Variants in WNK1 observed in about 807,000 individuals in gnomAD.
The protein encoded by WNK1 is WNK lysine deficient protein kinase 1.
Under a neutral mutation model 222.8 loss-of-function variants are expected in WNK1, and 38 were observed. The observed-to-expected ratio is 0.17, with a 90% CI of 0.13 to 0.22. WNK1 has a LOEUF of 0.22. Among genes scored for constraint, WNK1 ranks in the 10% least tolerant of loss-of-function variants. The probability of loss-of-function intolerance (pLI) is 1.00; values close to 1 mark genes in which losing one functional copy is unlikely to be tolerated. For missense variants in WNK1, 2,348 were observed against 2,918.4 expected (o/e 0.80, Z 4.50); for synonymous variants, 1,090 against 1,092.9 (o/e 1.00, Z 0.05).
In WNK1 at chr12:896,582, C is replaced by T. The variant is rs780191582; in HGVS notation, c.6095C>T (p.Ser2032Leu). The T allele has an allele frequency of 4.4e-5, 71 of 1,611,602 alleles. No homozygotes were observed. The South Asian group carries it at 6.2e-4, about 14-fold the overall frequency. Residue 2032 changes from serine to leucine, a missense_variant, in exon 24 of 28, where the codon TCG becomes TTG. Transcript: ENST00000315939. ...GATGATGGTTCCGGTAGTCCACACT[C>T]GCCCCATCAGCTGAGCTCAAAGAGC... ...DVDDGSGSPH[S>L]PHQLSSKSLP...
rs773797682 is a variant in WNK1, at chr12:889,145, G to C, written c.5370G>C (p.Gln1790His). Residue 1790 changes from glutamine (Q) to histidine (H), a missense_variant, in exon 21 of 28, where the codon CAG becomes CAC. This residue lies in a region of WNK1 where 1,144 missense variants were observed against 1,273.6 expected (regional missense o/e 0.90). Transcript: ENST00000315939. ...PFPGPSLTQS[Q>H]QPLEDLDAQL... ...CTGTGATTGTTTTCATTCAGTCCCA[G>C]CAACCTCTAGAGGATCTTGATGCTC... 1 of 1,614,020 alleles carries C rather than the reference G, an allele frequency of 6.2e-7. No individual in the cohort carries two copies. The highest frequency in any genetic ancestry group is 8.5e-7 in the Non-Finnish European group (1 of 1,179,926).
At chr12:888,711 C>A (rs1207510875) in intron 20 of WNK1, among the ~76,000 whole-genome samples, 1 of 152,154 alleles carries the variant, frequency 6.6e-6, no homozygotes, top group Non-Finnish European at 1.5e-5. Flanking sequence ...TTAATGCCAT[C>A]TTTTATTCAT....
intron 4 of WNK1, among the ~76,000 whole-genome samples, chr12:836,248 A>G (rs1457156375): frequency 6.6e-6 from 1 of 152,196 alleles, no homozygotes; most frequent in Non-Finnish European, 1.5e-5. Context: ...TATGAGTGAT[A>G]CTGCTAAACA....
chr12:898,273 A>G (rs1241746114), intron 25 of WNK1, among the ~76,000 whole-genome samples: 2 of 152,132 alleles, frequency 1.3e-5, no homozygotes, highest in Non-Finnish European at 2.9e-5. Flanking sequence ...TCACGAGGTC[A>G]GGAGATCAAG....
intron 1 of WNK1, among the ~76,000 whole-genome samples, chr12:754,818 A>G (rs1399617619): frequency 6.6e-6 from 1 of 152,148 alleles, no homozygotes; most frequent in Non-Finnish European, 1.5e-5. Context: ...GTATAAAATA[A>G]TTATTAAAAA....
At position 819,919 on chromosome 12, in the gene WNK1, A is replaced by G. The variant is rs34448477; in HGVS notation, c.932+6105A>G. ...ACTCTCAATTCTATTTCATTGGCCT[A>G]CATGTCTGTTCTTATGCCAGTACCG... On this transcript the variant is annotated intron_variant, in intron 2 of 27. Coordinates refer to ENST00000315939, the MANE Select transcript of WNK1 (RefSeq NM_018979.4). 7.2e-3 allele frequency among the ~76,000 whole-genome samples: 1,096 copies of G among 152,286 alleles called. 5 individuals carry two copies. The highest frequency in any genetic ancestry group is 0.012 in the Non-Finnish European group (799 of 68,016).
At chr12:828,151 A>T (rs1948507011) in intron 3 of WNK1, among the ~76,000 whole-genome samples, 1 of 151,184 alleles carries the variant, frequency 6.6e-6, no homozygotes, top group South Asian at 2.1e-4. Flanking sequence ...TACAAAAAAA[A>T]AAAAATTAGC....
intron 1 of WNK1, among the ~76,000 whole-genome samples, chr12:776,412 TTGTGTGTGTGTGTG>T (rs59148357): frequency 2.7e-5 from 4 of 146,112 alleles, no homozygotes; most frequent in South Asian, 4.4e-4. Context: ...GTTTGTGTGT[TTGTGTGTGTGTGTG>T]TGTGTGTGTG....
rs1364175663 is a variant in WNK1, at chr12:753,659, G to T, written c.94G>T (p.Asp32Tyr). ...APAPKNGSSS[D>Y]SSVGEKLGAA... ...TGCCCCCAAGAATGGCTCCAGCTCC[G>T]ATTCCTCCGTGGGGGAGAAACTGGG... is the stretch of plus-strand genomic sequence containing the variant. The change falls in exon 1 of 28, where the codon GAT (aspartate) becomes TAT (tyrosine). Residue 32 changes from aspartate to tyrosine, a missense_variant. By Grantham distance (160) the Asp-to-Tyr change is radical (BLOSUM62 -3). Around this residue, in one of 13 missense-constraint regions of WNK1, gnomAD observed 108 missense variants for 109.7 expected, o/e 0.98. Coordinates refer to ENST00000315939, the MANE Select transcript of WNK1 (RefSeq NM_018979.4). This position sits in a 1 kb window ranked among gnomAD's most constrained non-coding sequence, Gnocchi z 5.2. The T allele has an allele frequency of 5.6e-6, 9 of 1,612,344 alleles. No homozygotes were observed. In the African/African-American group the frequency reaches 9.3e-5, roughly 17 times the overall value.
rs747791200 is a variant in WNK1 at position 894,565 on chromosome 12, C to T, written c.5513C>T (p.Ser1838Phe). Residue 1838 changes from serine to phenylalanine, a missense_variant, in exon 23 of 28, where the codon TCT becomes TTT. Coordinates refer to ENST00000315939, the MANE Select transcript of WNK1 (RefSeq NM_018979.4). ...CTCATCCATGTATTTGTTTCAGTTT[C>T]TCAAGTCAAAGAAGGCCCTGTCCTA... ...EAGTQPQKGVSQVKEGPVLAT... is the reference protein window; with the variant it reads ...EAGTQPQKGVFQVKEGPVLAT... The T allele has an allele frequency of 2.1e-5, 34 of 1,613,668 alleles. No homozygotes were observed. In the East Asian group the frequency reaches 7.1e-4, roughly 34 times the overall value.
intron 8 of WNK1, chr12:869,193 G>T: frequency 6.5e-7 from 1 of 1,527,588 alleles, no homozygotes; most frequent in East Asian, 2.2e-5. Context: ...CCTGAATCAT[G>T]GATTTTGGAG....
At chr12:848,275 A>G (rs1950169380) in intron 4 of WNK1, among the ~76,000 whole-genome samples, 2 of 152,184 alleles carry the variant, frequency 1.3e-5, no homozygotes, top group South Asian at 4.1e-4. Flanking sequence ...ATGATACCAG[A>G]TGATTGGAAA....
rs1285103662 is a variant in WNK1, at chr12:900,228, C to T, written c.6449-248C>T. On this transcript the variant is annotated intron_variant, in intron 25 of 27. Coordinates refer to ENST00000315939, the MANE Select transcript of WNK1 (RefSeq NM_018979.4). ...CTCGAACTCCTGACCTCAGGTGATC[C>T]GCCCACCTTGGCCTCCCAAAGTGCT... 6.6e-5 allele frequency among the ~76,000 whole-genome samples: 10 copies of T among 152,018 alleles called. No homozygotes were observed. In the East Asian group the frequency reaches 9.6e-4, roughly 15 times the overall value.
chr12:855,701 C>G (rs1950732174), intron 4 of WNK1, among the ~76,000 whole-genome samples: 1 of 152,174 alleles, frequency 6.6e-6, no homozygotes, highest in Non-Finnish European at 1.5e-5. Flanking sequence ...ATCAGTGCTT[C>G]AACTCTTGAT....
chr12:885,493 G>A lies in WNK1; in HGVS notation c.4689G>A (p.Gln1563=). 1 of 1,613,940 alleles carries A rather than the reference G, an allele frequency of 6.2e-7. No individual in the cohort carries two copies. Among genetic ancestry groups the A allele is most frequent in the Non-Finnish European group, 8.5e-7 (1 of 1,180,002 alleles). Reference sequence around the variant, plus strand: ...CAGGAGTGTCTAGTTATATTTCTCAGCCTGGTGGGCTGCATCCTTTGGTCA... The same window carrying A: ...CAGGAGTGTCTAGTTATATTTCTCAACCTGGTGGGCTGCATCCTTTGGTCA... ...PGAGVSSYIS[Q]PGGLHPLVIP... The change falls in exon 19 of 28, where the codon CAG becomes CAA. Residue 1563 remains glutamine, a synonymous_variant. Coordinates refer to ENST00000315939, the MANE Select transcript of WNK1 (RefSeq NM_018979.4).
chr12:806,303 G>C (rs569235280), intron 1 of WNK1, among the ~76,000 whole-genome samples: 8 of 152,152 alleles, frequency 5.3e-5, no homozygotes, highest in Non-Finnish European at 1.0e-4. Flanking sequence ...ATCTGTAGTG[G>C]GTTGTTTTTG....
rs766083088 is a variant in WNK1, at chr12:857,111, A to C, written c.1312-50A>C. 3.4e-5 allele frequency: 54 copies of C among 1,581,102 alleles called. 1 individual carries two copies. The South Asian group carries it at 5.9e-4, about 17-fold the overall frequency. On this transcript the variant is annotated intron_variant, in intron 4 of 27. Coordinates refer to ENST00000315939, the MANE Select transcript of WNK1 (RefSeq NM_018979.4). ...ACCTTAATTGGAAATTTAAAAAACA[A>C]AGTTCAAAGGCCCTGCTTTTATTAA... is the stretch of plus-strand genomic sequence containing the variant.
chr12:906,320 G>A, intron 26 of WNK1: 1 of 985,250 alleles, frequency 1.0e-6, no homozygotes, highest in Non-Finnish European at 1.2e-6. Context: ...TCTTCAGTGT[G>A]CCCTCCAGCA....
At chr12:883,663 C>G (rs781435104) in intron 16 of WNK1, 95 bp downstream of exon 16, 14 of 1,594,618 alleles carry the variant, frequency 8.8e-6, no homozygotes, top group Non-Finnish European at 1.2e-5. Context: ...TATCACCTGA[C>G]ACCCATGACC....
Sources: allele counts gnomAD v4.1 joint callset (sites outside exome capture counted in the v4.1 genomes callset), GRCh38; gene constraint gnomAD v4.1.1; regional missense constraint gnomAD v4.1.1; non-coding constraint Gnocchi (gnomAD v3.1); transcripts MANE v1.5; gene names NCBI Gene and HGNC (gene_info 2026-07-23, HGNC 2026-07-21).